The following ASB11 variants were observed in gnomAD, a reference collection of about 807,000 sequenced individuals.
ASB11 encodes ankyrin repeat and SOCS box protein 11.
ASB11 carries 17 observed loss-of-function variants against 20.1 expected under a neutral mutation model. The ratio of observed to expected loss-of-function variants is 0.85; its 90% CI spans 0.58 to 1.27. The LOEUF is 1.27. ASB11 is among the 50% of genes most tolerant of loss of function. ASB11 has a pLI of 0.00. For missense variants in ASB11, 259 were observed against 256.9 expected (o/e 1.01, Z -0.06); for synonymous variants, 107 against 105.6 (o/e 1.01, Z -0.08).
chrX:15,312,398 C>T (rs1439170676), intron 1 of ASB11, among the ~76,000 whole-genome samples: 2 of 94,052 alleles, frequency 2.1e-5, no homozygotes, highest in Non-Finnish European at 4.2e-5. Flanking sequence ...ATGAAATCCA[C>T]CCCCACCCGC....
chrX:15,285,140 C>CTTTTT (rs767822616), intron 6 of ASB11, among the ~76,000 whole-genome samples: 18 of 81,498 alleles, frequency 2.2e-4, no homozygotes, highest in African/African-American at 6.0e-4. Flanking sequence ...TTTAATCTTT[C>CTTTTT]TTTTTTTTTT....
chrX:15,313,773 C>T (rs1208668989), intron 1 of ASB11, among the ~76,000 whole-genome samples: 1 of 110,965 alleles, frequency 9.0e-6, no homozygotes, highest in Non-Finnish European at 1.9e-5. Flanking sequence ...CACTTGAGGC[C>T]GGGCGCGGTG....
chrX:15,284,205 T>G (rs1479212867), intron 6 of ASB11, among the ~76,000 whole-genome samples: 8 of 96,750 alleles, frequency 8.3e-5, no homozygotes, highest in Non-Finnish European at 1.4e-4. Flanking sequence ...TGAGCCGAGA[T>G]CGGGCCACTG....
intron 1 of ASB11, among the ~76,000 whole-genome samples, chrX:15,306,921 C>T (rs1321597445): frequency 9.0e-6 from 1 of 111,691 alleles, no homozygotes; most frequent in Non-Finnish European, 1.9e-5. Context: ...GTTGGTAGGA[C>T]AGTCTTTACC....
chrX:15,295,905 G>A (rs1398754208), intron 3 of ASB11, among the ~76,000 whole-genome samples: 2 of 111,789 alleles, frequency 1.8e-5, no homozygotes, highest in African/African-American at 6.5e-5. Context: ...TTACCCATGA[G>A]CTGACTGAGT....
intron 4 of ASB11, among the ~76,000 whole-genome samples, chrX:15,290,615 G>C (rs373371394): frequency 2.6e-3 from 292 of 112,108 alleles, no homozygotes; most frequent in South Asian, 0.014. Flanking sequence ...GTTCAGGAGA[G>C]AGTGCTTCTG....
rs1269384568 is a variant in ASB11, at chrX:15,302,805, A to G, written c.184T>C (p.Cys62Arg). 1 of 1,208,842 alleles carries G rather than the reference A, an allele frequency of 8.3e-7. No individual in the cohort carries two copies. Among genetic ancestry groups the G allele is most frequent in the Admixed American group, 2.2e-5 (1 of 45,984 alleles). Residue 62 changes from cysteine (C) to arginine (R), a missense_variant and splice_region_variant, in exon 2 of 7, where the codon TGC becomes CGC. Physicochemically the swap from Cys to Arg is radical, Grantham distance 180. Transcript: ENST00000480796. ...AEEIYGGISD[C>R]WADRSPLHEA... ...TGAAGTGGGGATCGATCAGCCCAGC[A>G]ATCTGAAACACAAATCAAGCTCAAA...
At chrX:15,295,299 C>A (rs1489365854) in intron 3 of ASB11, among the ~76,000 whole-genome samples, 1 of 111,527 alleles carries the variant, frequency 9.0e-6, no homozygotes, top group East Asian at 2.8e-4. Flanking sequence ...CCTCAGCCTC[C>A]CAAAGTGCTG....
intron 6 of ASB11, 25 bp downstream of exon 6, chrX:15,287,856 G>T (rs1311544355): frequency 1.7e-6 from 2 of 1,177,777 alleles, no homozygotes; most frequent in East Asian, 6.1e-5. Context: ...TATGGAAGAG[G>T]AATGGATACC....
chrX:15,287,745 C>T (rs2147686072), intron 6 of ASB11, 136 bp downstream of exon 6: 2 of 713,764 alleles, frequency 2.8e-6, no homozygotes, highest in Non-Finnish European at 4.0e-6. Flanking sequence ...AGGTCAGTGA[C>T]GGCAGGGCCT....
At position 15,315,471 on chromosome X, in the gene ASB11, T is replaced by A. The variant is rs1921582993; in HGVS notation, c.135A>T (p.Arg45Ser). 8.6e-7 allele frequency: 1 copy of A among 1,157,149 alleles called. No individual in the cohort carries two copies. The highest frequency in any genetic ancestry group is 1.8e-5 in the African/African-American group (1 of 54,622). Residue 45 changes from arginine (R) to serine (S), a missense_variant, in exon 1 of 7, where the codon AGA (arginine) becomes AGT (serine). Transcript: ENST00000480796. ...CTTCTGCTATCCTAGCCGCTTCTTTTCTATTTCCTTTGACGATATAGAAAT... is the reference window on the plus strand; with the variant it reads ...CTTCTGCTATCCTAGCCGCTTCTTTACTATTTCCTTTGACGATATAGAAAT... Reference protein sequence around the residue: ...LTHFYIVKGNRKEAARIAEEI... With the variant: ...LTHFYIVKGNSKEAARIAEEI...
intron 4 of ASB11, among the ~76,000 whole-genome samples, chrX:15,291,388 T>C (rs1276598064): frequency 2.7e-5 from 3 of 112,290 alleles, no homozygotes; most frequent in Non-Finnish European, 5.6e-5. Context: ...ACAAATAATA[T>C]TAATTTTTAC....
intron 3 of ASB11, among the ~76,000 whole-genome samples, chrX:15,296,852 C>A (rs1920969473): frequency 8.9e-6 from 1 of 111,843 alleles, no homozygotes; most frequent in Non-Finnish European, 1.9e-5. Context: ...TATGATCCAA[C>A]AATCTTACTG....
At chrX:15,286,649 G>C in intron 6 of ASB11, among the ~76,000 whole-genome samples, 1 of 82,761 alleles carries the variant, frequency 1.2e-5, no homozygotes, top group Non-Finnish European at 2.2e-5. Flanking sequence ...TGGAGACAGA[G>C]TGAGACTCCA....
At chrX:15,309,023 T>G (rs1921334620) in intron 1 of ASB11, among the ~76,000 whole-genome samples, 1 of 111,434 alleles carries the variant, frequency 9.0e-6, no homozygotes, top group Admixed American at 9.6e-5. Context: ...TTCAAGAGAT[T>G]CTCTGGCCTC....
chrX:15,302,705 G>A (rs1921106946), intron 2 of ASB11, 23 bp downstream of exon 2: 1 of 1,166,580 alleles, frequency 8.6e-7, no homozygotes, highest in Non-Finnish European at 1.2e-6. Flanking sequence ...AAGCATGAAG[G>A]ATCAAGTCTT....
At position 15,289,578 on chromosome X, in the gene ASB11, G is replaced by A. The variant is rs776350890; in HGVS notation, c.581C>T (p.Pro194Leu). The A allele has an allele frequency of 2.5e-6, 3 of 1,209,232 alleles. No individual in the cohort carries two copies. The Admixed American group carries it at 6.5e-5, about 26-fold the overall frequency. The change falls in exon 5 of 7, where the codon CCT (proline) becomes CTT (leucine). Residue 194 changes from proline to leucine, a missense_variant. Physicochemically the swap from Pro to Leu is moderately conservative, Grantham distance 98. Coordinates refer to ENST00000480796, the MANE Select transcript of ASB11 (RefSeq NM_080873.3). ...CACATATAGGGGAGTTCCGAGCTGA[G>A]GCACCTCATGGTCAATGTTAACATT... is the stretch of plus-strand genomic sequence containing the variant. The part of the protein sequence containing the change: ...ANNVNIDHEV[P>L]QLGTPLYVAC...
chrX:15,284,131 A>C (rs1054080303), intron 6 of ASB11, among the ~76,000 whole-genome samples: 1 of 106,756 alleles, frequency 9.4e-6, no homozygotes, highest in African/African-American at 3.5e-5. Context: ...GGGTGCCTAT[A>C]GTCCCAGCTA....
At chrX:15,305,925 T>C (rs377291338) in intron 1 of ASB11, among the ~76,000 whole-genome samples, 5 of 111,078 alleles carry the variant, frequency 4.5e-5, no homozygotes, top group African/African-American at 1.6e-4. Context: ...TCACTCCTCC[T>C]ACCCTCCACC....
Sources: allele counts gnomAD v4.1 joint callset (sites outside exome capture counted in the v4.1 genomes callset), GRCh38; gene constraint gnomAD v4.1.1; transcripts MANE v1.5; gene names NCBI Gene and HGNC (gene_info 2026-07-23, HGNC 2026-07-21).